INPP5B: variants seen among roughly 807,000 people sequenced by gnomAD.
INPP5B encodes the protein inositol polyphosphate-5-phosphatase B.
In INPP5B, 90 loss-of-function variants were observed where a neutral mutation model predicts 118.5. The ratio of observed to expected loss-of-function variants is 0.76; its 90% confidence interval spans 0.64 to 0.90. INPP5B has a LOEUF of 0.90. INPP5B is among the 40% of genes least tolerant of loss of function. The pLI is 0.00. For missense variants in INPP5B, 984 were observed against 1,125.6 expected (o/e 0.87, Z 1.80); for synonymous variants, 385 against 418.9 (o/e 0.92, Z 0.99).
intron 7 of INPP5B, among the ~76,000 whole-genome samples, chr1:37,891,664 C>T (rs1308574927): frequency 6.6e-6 from 1 of 151,818 alleles, no homozygotes; most frequent in Non-Finnish European, 1.5e-5. Context: ...ATCCCAATTA[C>T]TCGGGAGGCT....
chr1:37,899,083 A>T (rs551492175), intron 7 of INPP5B, among the ~76,000 whole-genome samples: 12 of 150,450 alleles, frequency 8.0e-5, no homozygotes, highest in Admixed American at 5.4e-4. Flanking sequence ...TGGGAGGCTG[A>T]GGCAAGAGAA....
chr1:37,899,993 C>T (rs1030813302), intron 7 of INPP5B, among the ~76,000 whole-genome samples: 4 of 151,698 alleles, frequency 2.6e-5, no homozygotes, highest in Admixed American at 6.6e-5. Context: ...GGATTACAGG[C>T]GTGAGCCACT....
At chr1:37,932,231 A>T (rs1570369932) in intron 6 of INPP5B, among the ~76,000 whole-genome samples, 178 bp from the exon 7 acceptor site, 1 of 152,140 alleles carries the variant, frequency 6.6e-6, no homozygotes, top group African/African-American at 2.4e-5. Flanking sequence ...CAAGGCAGAG[A>T]CCACCGCCAT....
chr1:37,877,635 T>G (rs966691180), intron 16 of INPP5B, among the ~76,000 whole-genome samples: 1 of 152,240 alleles, frequency 6.6e-6, no homozygotes, highest in Non-Finnish European at 1.5e-5. Context: ...AGAAATACAC[T>G]GATACACAAA....
chr1:37,925,628 T>G lies in INPP5B; in HGVS notation c.532+6285A>C, dbSNP rs572915862. 2.0e-5 allele frequency among the ~76,000 whole-genome samples: 3 copies of G among 152,320 alleles called. No homozygotes were observed. The East Asian group carries it at 5.8e-4, about 29-fold the overall frequency. On this transcript the variant is annotated intron_variant, in intron 7 of 23. Coordinates refer to ENST00000373024, the MANE Select transcript of INPP5B (RefSeq NM_005540.3). ...AGTATCTTTCCTCTAATAAATATAT[T>G]GATGCCTCCCTCTTCCTGAACTGTC... is the stretch of plus-strand genomic sequence containing the variant.
At chr1:37,915,910 C>T (rs1407184864) in intron 7 of INPP5B, among the ~76,000 whole-genome samples, 2 of 152,312 alleles carry the variant, frequency 1.3e-5, no homozygotes, top group African/African-American at 4.8e-5. Context: ...CTGCCTCATA[C>T]AATTGCTGTC....
In INPP5B at chr1:37,873,053, T is replaced by C. The variant is rs1280905611; in HGVS notation, c.2064A>G (p.Gly688=). 1 of 1,614,164 alleles carries C rather than the reference T, an allele frequency of 6.2e-7. No homozygotes were observed. Among genetic ancestry groups the C allele is most frequent in the Non-Finnish European group, 8.5e-7 (1 of 1,180,026 alleles). Residue 688 remains glycine, a synonymous_variant, in exon 19 of 24, where the codon GGA becomes GGG. Coordinates refer to ENST00000373024, the MANE Select transcript of INPP5B (RefSeq NM_005540.3). ...CAGACACAGACAAAAAGTAATCCTTTCCCCTGTCCAAGTGCAGAACCAGAA... is the reference window on the plus strand; with the variant it reads ...CAGACACAGACAAAAAGTAATCCTTCCCCCTGTCCAAGTGCAGAACCAGAA... ...EDILVLHLDR[G]KDYFLSVSGN...
chr1:37,864,527 AC>A (rs2148441328), intron 22 of INPP5B, 104 bp from the exon 23 acceptor site: 1 of 641,122 alleles, frequency 1.6e-6, no homozygotes. Context: ...CACGAGAAAG[AC>A]TGTGCACAGA....
intron 23 of INPP5B, among the ~76,000 whole-genome samples, chr1:37,863,884 G>A (rs1185935853): frequency 1.3e-5 from 2 of 149,086 alleles, no homozygotes; most frequent in East Asian, 2.0e-4. Context: ...GTGCGGTCTC[G>A]GGTCACTGCA....
intron 6 of INPP5B, among the ~76,000 whole-genome samples, chr1:37,940,194 A>T (rs1645861392): frequency 6.6e-6 from 1 of 152,218 alleles, no homozygotes; most frequent in African/African-American, 2.4e-5. Flanking sequence ...TGCCGGGCTA[A>T]TGTCCCATTC....
At chr1:37,905,168 A>C (rs1375939056) in intron 7 of INPP5B, among the ~76,000 whole-genome samples, 4 of 152,210 alleles carry the variant, frequency 2.6e-5, no homozygotes, top group African/African-American at 9.6e-5. Context: ...TGGGAGGCCA[A>C]GGCAGGCGGA....
In INPP5B at chr1:37,864,282, A is replaced by G. The variant is rs749980902; in HGVS notation, c.2626+30T>C. The G allele has an allele frequency of 8.6e-6, 11 of 1,285,986 alleles. No individual in the cohort carries two copies. In the East Asian group the frequency reaches 2.4e-4, roughly 28 times the overall value. The allele number at this position is 1,285,986 out of a possible 1,614,324, so 79.7% of individuals were successfully genotyped here. Reference sequence around the variant, plus strand: ...CATTACGAGTCTCTCAGTTTGCAGAAATGCTTTCCATAGACATTTGGCTGC... The same window carrying G: ...CATTACGAGTCTCTCAGTTTGCAGAGATGCTTTCCATAGACATTTGGCTGC... On this transcript the variant is annotated intron_variant, in intron 23 of 23. Transcript: ENST00000373024.
intron 6 of INPP5B, among the ~76,000 whole-genome samples, chr1:37,934,019 C>T (rs1322182690): frequency 2.0e-5 from 3 of 151,696 alleles, no homozygotes; most frequent in Non-Finnish European, 2.9e-5. Context: ...CTGCAACCTC[C>T]GCCTCCCGGG....
chr1:37,943,077 G>A (rs1173316983), intron 5 of INPP5B, among the ~76,000 whole-genome samples: 1 of 150,582 alleles, frequency 6.6e-6, no homozygotes, highest in Admixed American at 6.6e-5. Flanking sequence ...CTTGGCTCAC[G>A]GCAACCTCCG....
At chr1:37,941,492 A>G (rs1355836547) in intron 5 of INPP5B, among the ~76,000 whole-genome samples, 1 of 151,746 alleles carries the variant, frequency 6.6e-6, no homozygotes, top group Non-Finnish European at 1.5e-5. Context: ...CCGCCACCCA[A>G]TCTCTATAAA....
At chr1:37,880,221 A>G in intron 14 of INPP5B, 27 bp from the exon 15 acceptor site, 3 of 1,552,668 alleles carry the variant, frequency 1.9e-6, no homozygotes, top group Non-Finnish European at 2.7e-6. Flanking sequence ...GAGAAAAAAA[A>G]ATATCAGAAT....
chr1:37,899,950 A>G (rs922720129), intron 7 of INPP5B, among the ~76,000 whole-genome samples: 1 of 151,546 alleles, frequency 6.6e-6, no homozygotes, highest in Non-Finnish European at 1.5e-5. Context: ...TCCTGACTTC[A>G]TGATCCGCCC....
rs1222866396 is a variant in INPP5B, at chr1:37,891,377, G to A, written c.610C>T (p.Pro204Ser). Residue 204 changes from proline (P) to serine (S), a missense_variant, in exon 8 of 24, where the codon CCA becomes TCA. Around this residue, in one of 2 missense-constraint regions of INPP5B, gnomAD observed 350 missense variants for 334.6 expected, o/e 1.05. Transcript: ENST00000373024. ...CATTACCTTGGTTGCAAGCTTTCTG[G>A]TTTATCTTGACCCCTGGAGCTTTGG... ...MDQSSRGQDK[P>S]ESLQPRQNKS... 1 of 1,613,808 alleles carries A rather than the reference G, an allele frequency of 6.2e-7. No homozygotes were observed. The highest frequency in any genetic ancestry group is 8.5e-7 in the Non-Finnish European group (1 of 1,179,868).
chr1:37,923,855 A>C (rs985393805), intron 7 of INPP5B, among the ~76,000 whole-genome samples: 2 of 151,606 alleles, frequency 1.3e-5, no homozygotes, highest in Non-Finnish European at 2.9e-5. Context: ...TGCTCACTGC[A>C]ACCTCTGCCT....
Sources: gnomAD v4.1 joint callset for allele counts (sites outside exome capture counted in the v4.1 genomes callset) on GRCh38, gnomAD v4.1.1 for gene constraint, gnomAD v4.1.1 regional missense constraint, MANE v1.5 for transcripts, NCBI Gene and HGNC (gene_info 2026-07-23, HGNC 2026-07-21) for gene names.